TMEM135: variants seen among roughly 807,000 people sequenced by gnomAD.
TMEM135 encodes the protein peroxisomal membrane protein 52.
In TMEM135, 30 loss-of-function variants were observed where a neutral mutation model predicts 60.3. The observed-to-expected ratio is 0.50, with a 90% confidence interval of 0.37 to 0.68. The LOEUF (loss-of-function observed/expected upper bound fraction) is 0.68, where lower values mean the gene tolerates loss of function less well. TMEM135 is among the 30% of genes least tolerant of loss of function. TMEM135 has a pLI of 0.00. For missense variants in TMEM135, 468 were observed against 548.8 expected, an observed-to-expected ratio of 0.85 and a Z score of 1.47; for synonymous variants, 190 against 186.7, an observed-to-expected ratio of 1.02 and a Z score of -0.14.
chr11:87,237,212 T>A (rs1941017529), intron 6 of TMEM135, among the ~76,000 whole-genome samples: 1 of 151,982 alleles, frequency 6.6e-6, no homozygotes, highest in East Asian at 1.9e-4. Context: ...GGGAAGAGTG[T>A]TAGGATGGCC....
chr11:87,170,363 C>T (rs1179376265), intron 5 of TMEM135, among the ~76,000 whole-genome samples: 1 of 152,086 alleles, frequency 6.6e-6, no homozygotes, highest in Non-Finnish European at 1.5e-5. Context: ...GGAGAAGAGG[C>T]ATTCTGGTTT....
chr11:87,299,801 A>C (rs1196737179), intron 7 of TMEM135, among the ~76,000 whole-genome samples: 1 of 152,190 alleles, frequency 6.6e-6, no homozygotes, highest in Non-Finnish European at 1.5e-5. Flanking sequence ...TCTTTCCCCA[A>C]GCTGTGGATA....
chr11:87,264,826 G>T (rs1015715186), intron 6 of TMEM135, among the ~76,000 whole-genome samples: 10 of 150,786 alleles, frequency 6.6e-5, no homozygotes, highest in African/African-American at 2.2e-4. Context: ...TAGTATTAAA[G>T]TTCATTTTGT....
intron 6 of TMEM135, among the ~76,000 whole-genome samples, chr11:87,247,324 G>T (rs1305734401): frequency 2.0e-5 from 3 of 152,228 alleles, no homozygotes; most frequent in East Asian, 1.9e-4. Context: ...ACTTAAGGAG[G>T]CAGTCTGCCC....
At chr11:87,263,019 C>T (rs1158868389) in intron 6 of TMEM135, among the ~76,000 whole-genome samples, 1 of 150,514 alleles carries the variant, frequency 6.6e-6, no homozygotes, top group East Asian at 2.0e-4. Context: ...AAAAACCTTT[C>T]TTCCTTTTTG....
intron 1 of TMEM135, among the ~76,000 whole-genome samples, chr11:87,060,473 G>A (rs1051887464): frequency 1.3e-4 from 20 of 152,238 alleles, no homozygotes; most frequent in Middle Eastern, 3.4e-3. Flanking sequence ...TAAGTCACAG[G>A]TTTAAATTTA....
At chr11:87,062,369 C>T (rs1250475550) in intron 1 of TMEM135, among the ~76,000 whole-genome samples, 1 of 73,024 alleles carries the variant, frequency 1.4e-5, no homozygotes, top group African/African-American at 5.4e-5. Context: ...TTTCAAATTA[C>T]TTTTTGTGTA....
At chr11:87,282,263 T>C (rs1025054495) in intron 6 of TMEM135, among the ~76,000 whole-genome samples, 1 of 152,138 alleles carries the variant, frequency 6.6e-6, no homozygotes, top group Non-Finnish European at 1.5e-5. Context: ...GTTCATTTTT[T>C]TTTTTGCCTT....
At chr11:87,159,589 ACG>A (rs1555111979) in intron 5 of TMEM135, among the ~76,000 whole-genome samples, 12 of 146,564 alleles carry the variant, frequency 8.2e-5, no homozygotes, top group African/African-American at 3.1e-4. Flanking sequence ...GAATACACAC[ACG>A]CGCACACACA....
At chr11:87,199,191 C>T (rs537511098) in intron 5 of TMEM135, among the ~76,000 whole-genome samples, 19 of 152,178 alleles carry the variant, frequency 1.2e-4, no homozygotes, top group African/African-American at 4.1e-4. Flanking sequence ...GAAACCCTGT[C>T]GCTACTAAAA....
In TMEM135 at chr11:87,302,570, G is replaced by T. The variant is rs558622871; in HGVS notation, c.698+128G>T. The T allele has an allele frequency of 8.6e-5, 106 of 1,225,750 alleles. No individual in the cohort carries two copies. In the African/African-American group the frequency reaches 1.4e-3, roughly 16 times the overall value. The allele number at this position is 1,225,750 out of a possible 1,614,324, so 75.9% of individuals were successfully genotyped here. A position where few individuals can be genotyped will look rare whatever the true frequency, so the allele number is the denominator to read the frequency against. On this transcript the variant is annotated intron_variant, in intron 8 of 14. Coordinates refer to ENST00000305494, the MANE Select transcript of TMEM135 (RefSeq NM_022918.4). ...CATTTTTCACCAGAAACTGTGCATA[G>T]AATTTTATAAAAGGCACACAATGGC...
intron 6 of TMEM135, among the ~76,000 whole-genome samples, chr11:87,271,954 T>C (rs11235068): frequency 0.35 from 53,506 of 151,624 alleles, 10,001 homozygotes; most frequent in Non-Finnish European, 0.42. Flanking sequence ...AACAATTAAA[T>C]TAATTTTATA....
At chr11:87,251,246 G>A (rs567197691) in intron 6 of TMEM135, among the ~76,000 whole-genome samples, 1 of 152,256 alleles carries the variant, frequency 6.6e-6, no homozygotes, top group South Asian at 2.1e-4. Context: ...GGTTGATAGT[G>A]TTCTGTAGTG....
At chr11:87,213,185 TTAGTG>T (rs1940417154) in intron 5 of TMEM135, among the ~76,000 whole-genome samples, 1 of 152,180 alleles carries the variant, frequency 6.6e-6, no homozygotes, top group Non-Finnish European at 1.5e-5. Flanking sequence ...TTCTCATTGC[TTAGTG>T]TAATTAGGTG....
chr11:87,290,813 C>T (rs1294973348), intron 6 of TMEM135, among the ~76,000 whole-genome samples: 1 of 152,102 alleles, frequency 6.6e-6, no homozygotes, highest in African/African-American at 2.4e-5. Flanking sequence ...AGTGCAGAAC[C>T]TTGCAAGTAG....
At chr11:87,217,026 T>G (rs1462568109) in intron 5 of TMEM135, among the ~76,000 whole-genome samples, 1 of 152,222 alleles carries the variant, frequency 6.6e-6, no homozygotes, top group East Asian at 1.9e-4. Flanking sequence ...GAATAGGTCT[T>G]TTTAAAAACT....
intron 3 of TMEM135, among the ~76,000 whole-genome samples, chr11:87,073,368 A>G (rs986158648): frequency 2.0e-5 from 3 of 152,150 alleles, no homozygotes; most frequent in African/African-American, 7.2e-5. Flanking sequence ...TGTAAGTGTC[A>G]TAGTATCTAA....
Position 87,254,926 on chromosome 11 carries a change from G to T in TMEM135, c.509+18242G>T, listed in dbSNP as rs374075704. Among the ~76,000 whole-genome samples, 22 of 152,238 alleles carry T rather than the reference G, an allele frequency of 1.4e-4. No homozygotes were observed. In the East Asian group the frequency reaches 4.1e-3, roughly 28 times the overall value. On this transcript the variant is annotated intron_variant, in intron 6 of 14. Transcript: ENST00000305494. The stretch of plus-strand genomic sequence containing the variant: ...GAGCCAAGGCAGGAGGATTGTTTGA[G>T]CCCAGGGGTTCGATACCAGCTTGGA...
intron 5 of TMEM135, among the ~76,000 whole-genome samples, chr11:87,205,028 A>C (rs1940205023): frequency 6.6e-6 from 1 of 152,182 alleles, no homozygotes; most frequent in African/African-American, 2.4e-5. Flanking sequence ...TGCACTTTTA[A>C]AATTAGTGCT....
Sources: gnomAD v4.1 joint callset for allele counts (sites outside exome capture counted in the v4.1 genomes callset) on GRCh38, gnomAD v4.1.1 for gene constraint, MANE v1.5 for transcripts, NCBI Gene and HGNC (gene_info 2026-07-23, HGNC 2026-07-21) for gene names.